Variants in TMEM132D observed in about 807,000 individuals in gnomAD.
TMEM132D encodes the protein mature OL transmembrane protein.
TMEM132D carries 21 observed loss-of-function variants against 62.3 expected under a neutral mutation model. That is an observed-to-expected ratio of 0.34 (90% CI 0.24 to 0.49). TMEM132D has a LOEUF of 0.49. Ranked by LOEUF, TMEM132D falls within the 20% of genes least tolerant of loss-of-function variation. The probability of loss-of-function intolerance (pLI) is 0.99; values close to 1 mark genes in which losing one functional copy is unlikely to be tolerated. For synonymous variants in TMEM132D, 621 were observed against 575.6 expected, an observed-to-expected ratio of 1.08 and a Z score of -1.13; for missense variants, 1,346 against 1,402.8, an observed-to-expected ratio of 0.96 and a Z score of 0.65.
At chr12:129,788,112 C>A (rs985708327) in intron 1 of TMEM132D, among the ~76,000 whole-genome samples, 3 of 152,206 alleles carry the variant, frequency 2.0e-5, no homozygotes, top group Non-Finnish European at 4.4e-5. Context: ...ATGGTGTAAT[C>A]TCTGAATTCA....
intron 1 of TMEM132D, among the ~76,000 whole-genome samples, chr12:129,844,173 C>T (rs375107088): frequency 5.9e-5 from 9 of 152,122 alleles, no homozygotes; most frequent in South Asian, 2.1e-4. Context: ...AATGCTAGCC[C>T]GCATATTTCA....
chr12:129,767,919 G>A (rs187814316), intron 1 of TMEM132D, among the ~76,000 whole-genome samples: 3 of 152,312 alleles, frequency 2.0e-5, no homozygotes, highest in Non-Finnish European at 4.4e-5. Flanking sequence ...AAGGCAAGGA[G>A]GAGCAAAGGC....
At chr12:129,184,130 C>T (rs1485277756) in intron 5 of TMEM132D, among the ~76,000 whole-genome samples, 1 of 152,180 alleles carries the variant, frequency 6.6e-6, no homozygotes, top group African/African-American at 2.4e-5. Context: ...ATGTCACCGT[C>T]TCACCCCTGT....
intron 2 of TMEM132D, among the ~76,000 whole-genome samples, chr12:129,565,606 G>A (rs927851385): frequency 6.6e-6 from 1 of 152,198 alleles, no homozygotes; most frequent in African/African-American, 2.4e-5. Context: ...TGGGTTGGGT[G>A]GCTGAGAATT....
chr12:129,350,218 T>C (rs1458488774), intron 3 of TMEM132D, among the ~76,000 whole-genome samples: 1 of 152,134 alleles, frequency 6.6e-6, no homozygotes, highest in Non-Finnish European at 1.5e-5. Context: ...TCCTTGAATA[T>C]GGAAATCAAA....
rs141115367 is a variant in TMEM132D at position 129,573,607 on chromosome 12, A to G, written c.969-42402T>C. ...TAAAATACAATTGTGGATCATGGTA[A>G]TTTGGATGTGTGACTGTGTGTAGAT... On this transcript the variant is annotated intron_variant, in intron 2 of 8. Transcript: ENST00000422113. Among the ~76,000 whole-genome samples the G allele has an allele frequency of 5.9e-5, 9 of 152,266 alleles. No homozygotes were observed. In the East Asian group the frequency reaches 1.5e-3, roughly 26 times the overall value.
intron 4 of TMEM132D, among the ~76,000 whole-genome samples, chr12:129,287,479 A>G (rs944150638): frequency 1.3e-5 from 2 of 152,248 alleles, no homozygotes; most frequent in African/African-American, 4.8e-5. Flanking sequence ...ATAGCCTCAA[A>G]GCATTAGGTT....
intron 1 of TMEM132D, among the ~76,000 whole-genome samples, chr12:129,881,037 C>A (rs185059674): frequency 6.6e-6 from 1 of 151,778 alleles, no homozygotes; most frequent in Non-Finnish European, 1.5e-5. Context: ...GGAAAATACA[C>A]CAAGTGACCT....
intron 1 of TMEM132D, among the ~76,000 whole-genome samples, chr12:129,881,500 T>C (rs1874594190): frequency 6.6e-6 from 1 of 151,998 alleles, no homozygotes; most frequent in Non-Finnish European, 1.5e-5. Flanking sequence ...CAAAGTATAG[T>C]CTTTGACCAA....
At chr12:129,207,533 G>A (rs950826588) in intron 5 of TMEM132D, among the ~76,000 whole-genome samples, 51 of 152,246 alleles carry the variant, frequency 3.3e-4, no homozygotes, top group African/African-American at 1.2e-3. Flanking sequence ...GATGAGGCGA[G>A]GGAGCCGTAC....
At chr12:129,695,003 G>A (rs796598772) in intron 2 of TMEM132D, among the ~76,000 whole-genome samples, 67 of 152,156 alleles carry the variant, frequency 4.4e-4, no homozygotes, top group African/African-American at 1.3e-3. Flanking sequence ...GTGAGACTCC[G>A]TCTCAAAAAA....
chr12:129,850,714 T>C (rs1873512512), intron 1 of TMEM132D, among the ~76,000 whole-genome samples: 2 of 152,348 alleles, frequency 1.3e-5, no homozygotes, highest in South Asian at 4.1e-4. Flanking sequence ...CAGGAAACTT[T>C]CTGCAAATCC....
At chr12:129,679,306 GTT>G (rs1260888602) in intron 2 of TMEM132D, among the ~76,000 whole-genome samples, 6 of 152,012 alleles carry the variant, frequency 3.9e-5, no homozygotes, top group Admixed American at 3.3e-4. Flanking sequence ...TTTTTAAAAT[GTT>G]ATAATCAAGA....
At chr12:129,205,061 T>C (rs950453791) in intron 5 of TMEM132D, among the ~76,000 whole-genome samples, 10 of 152,020 alleles carry the variant, frequency 6.6e-5, no homozygotes, top group Admixed American at 6.5e-4. Context: ...TGCCAGCCAA[T>C]TTGAAAAAAC....
intron 4 of TMEM132D, among the ~76,000 whole-genome samples, chr12:129,232,163 C>T (rs543351291): frequency 1.1e-4 from 17 of 152,086 alleles, no homozygotes; most frequent in Admixed American, 5.9e-4. Flanking sequence ...AATCTTCCCA[C>T]GATATTCTAA....
At chr12:129,722,749 T>TCTTTTTTG (rs1318582062) in intron 1 of TMEM132D, among the ~76,000 whole-genome samples, 2 of 150,332 alleles carry the variant, frequency 1.3e-5, no homozygotes, top group Non-Finnish European at 3.0e-5. Flanking sequence ...TTTCTTTTTT[T>TCTTTTTTG]TTTTTTTTGA....
intron 5 of TMEM132D, among the ~76,000 whole-genome samples, chr12:129,128,645 T>G (rs900354532): frequency 6.6e-6 from 1 of 152,178 alleles, no homozygotes; most frequent in Non-Finnish European, 1.5e-5. Flanking sequence ...ATGTGCTTGT[T>G]TGTTACATGG....
chr12:129,864,688 A>G (rs1401436891), intron 1 of TMEM132D, among the ~76,000 whole-genome samples: 1 of 152,194 alleles, frequency 6.6e-6, no homozygotes, highest in Non-Finnish European at 1.5e-5. Flanking sequence ...GCTACGCCTG[A>G]AGGTTATTCT....
At chr12:129,263,398 A>G (rs895048118) in intron 4 of TMEM132D, among the ~76,000 whole-genome samples, 1 of 152,024 alleles carries the variant, frequency 6.6e-6, no homozygotes, top group Non-Finnish European at 1.5e-5. Context: ...TCTTATCTCT[A>G]TTTTGCAGAA....
Sources: allele counts gnomAD v4.1 joint callset (sites outside exome capture counted in the v4.1 genomes callset), GRCh38; gene constraint gnomAD v4.1.1; transcripts MANE v1.5; gene names NCBI Gene and HGNC (gene_info 2026-07-23, HGNC 2026-07-21).